The following LSM11 variants were observed in gnomAD, a reference collection of about 807,000 sequenced individuals.
LSM11 encodes the protein U7 snRNA-associated Sm-like protein LSm11.
Under a neutral mutation model 28.1 loss-of-function variants are expected in LSM11, and 14 were observed. The observed-to-expected ratio is 0.50, with a 90% confidence interval of 0.33 to 0.78. The LOEUF (loss-of-function observed/expected upper bound fraction) is 0.78. Ranked by LOEUF, LSM11 falls within the 30% of genes least tolerant of loss-of-function variation. The pLI is 0.02. For missense variants in LSM11, 495 were observed against 510.6 expected, an observed-to-expected ratio of 0.97 and a Z score of 0.30; for synonymous variants, 207 against 214.2, an observed-to-expected ratio of 0.97 and a Z score of 0.30.
intron 3 of LSM11, 50 bp downstream of exon 3, chr5:157,754,137 T>G: frequency 7.7e-7 from 1 of 1,303,104 alleles, no homozygotes. Flanking sequence ...CTTTCCAGCT[T>G]AGGAATTAAG....
intron 1 of LSM11, among the ~76,000 whole-genome samples, chr5:157,744,880 A>C (rs575219556): frequency 6.6e-6 from 1 of 152,218 alleles, no homozygotes; most frequent in Non-Finnish European, 1.5e-5. Flanking sequence ...TTACTAAGTC[A>C]CAAGTGCTGA....
chr5:157,744,063 C>G lies in LSM11; in HGVS notation c.313C>G (p.Pro105Ala). 6.8e-7 allele frequency: 1 copy of G among 1,465,658 alleles called. No homozygotes were observed. 90.8% of individuals were successfully genotyped at this position (1,465,658 alleles called of 1,614,324 possible). The change falls in exon 1 of 4, where the codon CCG becomes GCG. Residue 105 changes from proline (P) to alanine (A), a missense_variant. Pro to Ala is a conservative substitution (Grantham distance 27). Coordinates refer to ENST00000286307, the MANE Select transcript of LSM11 (RefSeq NM_173491.4). ...RTRRRPDAPAPDPERIQRLRR... is the reference protein window; with the variant it reads ...RTRRRPDAPAADPERIQRLRR... Reference sequence around the variant, plus strand: ...TCGTCGCCGCCCGGACGCGCCCGCCCCGGACCCCGAGCGCATCCAGCGCCT... The same window carrying G: ...TCGTCGCCGCCCGGACGCGCCCGCCGCGGACCCCGAGCGCATCCAGCGCCT...
In LSM11 at chr5:157,757,261, A is replaced by G. The variant is rs1761342253; in HGVS notation, c.*1997A>G. The G allele has an allele frequency of 2.0e-5, 3 of 152,128 alleles. No homozygotes were observed. Among genetic ancestry groups the G allele is most frequent in the African/African-American group, 7.2e-5 (3 of 41,424 alleles). 9.4% of individuals were successfully genotyped at this position (152,128 alleles called of 1,614,324 possible). A position where few individuals can be genotyped will look rare whatever the true frequency, so the allele number is the denominator to read the frequency against. On this transcript the variant is annotated 3_prime_UTR_variant, in exon 4 of 4. Coordinates refer to ENST00000286307, the MANE Select transcript of LSM11 (RefSeq NM_173491.4). ...GGCAGCAGTATCTTCTGGAACTTCC[A>G]TATTCCATTCCTTCCTCCTAAGGGA...
intron 1 of LSM11, among the ~76,000 whole-genome samples, chr5:157,749,695 C>T (rs573681626): frequency 1.3e-5 from 2 of 152,274 alleles, no homozygotes; most frequent in African/African-American, 4.8e-5. Context: ...ATGGTCAGAC[C>T]AGAATTCTCA....
intron 1 of LSM11, 27 bp downstream of exon 1, chr5:157,744,225 G>C (rs758569704): frequency 4.0e-6 from 5 of 1,249,928 alleles, no homozygotes; most frequent in South Asian, 3.0e-5. Context: ...GGCGGGAAGC[G>C]GGGCAGCCGC....
intron 2 of LSM11, 50 bp from the exon 3 acceptor site, chr5:157,753,951 AAAT>A (rs34960946): frequency 0.34 from 430,982 of 1,251,148 alleles, 77,557 homozygotes; most frequent in East Asian, 0.54. Context: ...AAAGCTATAC[AAAT>A]AATAATTTTA....
In LSM11 at chr5:157,743,898, G is replaced by T. The variant is rs770922032; in HGVS notation, c.148G>T (p.Ala50Ser). ...PRLPPIPYPN[A>S]PCFNNVAEYE... ...CCTGCCTCCCATTCCCTACCCCAAT[G>T]CCCCCTGCTTCAACAACGTGGCGGA... The change falls in exon 1 of 4, where the codon GCC (alanine) becomes TCC (serine). Residue 50 changes from alanine to serine, a missense_variant. Transcript: ENST00000286307. The T allele has an allele frequency of 1.5e-5, 23 of 1,539,122 alleles. No homozygotes were observed. The highest frequency in any genetic ancestry group is 1.7e-4 in the Middle Eastern group (1 of 5,824).
intron 1 of LSM11, among the ~76,000 whole-genome samples, chr5:157,748,478 C>G (rs1420740565): frequency 1.3e-5 from 2 of 152,148 alleles, no homozygotes; most frequent in Non-Finnish European, 2.9e-5. Context: ...CATGTACTTA[C>G]TGTAATTCCT....
rs558996893 is a variant in LSM11 at position 157,751,336 on chromosome 5, C to G, written c.449-54C>G. 3.7e-5 allele frequency: 56 copies of G among 1,503,090 alleles called. No individual in the cohort carries two copies. The East Asian group carries it at 1.3e-3, about 35-fold the overall frequency. The allele number at this position is 1,503,090 out of a possible 1,614,324, so 93.1% of individuals were successfully genotyped here. ...GAAGTTGGGTGGTCGTGGCTTAATT[C>G]TGGGAATGAGGGCAGATATTAAAAC... On this transcript the variant is annotated intron_variant, in intron 1 of 3. Coordinates refer to ENST00000286307, the MANE Select transcript of LSM11 (RefSeq NM_173491.4).
At chr5:157,747,861 G>A (rs1308108117) in intron 1 of LSM11, among the ~76,000 whole-genome samples, 1 of 152,180 alleles carries the variant, frequency 6.6e-6, no homozygotes, top group South Asian at 2.1e-4. Context: ...GAGAACAGCG[G>A]TACTTAGGCT....
rs1430021860 is a variant in LSM11, at chr5:157,757,332, T to G, written c.*2068T>G. 1 of 151,416 alleles carries G rather than the reference T, an allele frequency of 6.6e-6. No individual in the cohort carries two copies. The highest frequency in any genetic ancestry group is 6.6e-5 in the Admixed American group (1 of 15,196). 9.4% of individuals were successfully genotyped at this position (151,416 alleles called of 1,614,324 possible). A position where few individuals can be genotyped will look rare whatever the true frequency, so the allele number is the denominator to read the frequency against. ...GTATCTTCAGTAAGAGGAGAGTAAC[T>G]TTTTTTTTGCTGCTCCCGCTATATC... is the stretch of plus-strand genomic sequence containing the variant. On this transcript the variant is annotated 3_prime_UTR_variant, in exon 4 of 4. Transcript: ENST00000286307.
intron 1 of LSM11, among the ~76,000 whole-genome samples, chr5:157,746,054 C>T (rs779539813): frequency 6.6e-6 from 1 of 152,062 alleles, no homozygotes; most frequent in Non-Finnish European, 1.5e-5. Flanking sequence ...CTTTCGTGTA[C>T]CTCCTGATCC....
chr5:157,755,610 AAAGTCTC>A lies in LSM11; in HGVS notation c.*349_*355del, dbSNP rs1463883001. ...CATTTTAGATACTATAGGGGAAAGA[AAAGTCTC>A]AAAAAGAAGTATTGCATGTCTAAAA... On this transcript the variant is annotated 3_prime_UTR_variant, in exon 4 of 4. Coordinates refer to ENST00000286307, the MANE Select transcript of LSM11 (RefSeq NM_173491.4). 1 of 432,202 alleles carries A rather than the reference AAAGTCTC, an allele frequency of 2.3e-6. No individual in the cohort carries two copies. Among genetic ancestry groups the A allele is most frequent in the African/African-American group, 2.0e-5 (1 of 49,320 alleles). The allele number at this position is 432,202 out of a possible 1,614,324, so 26.8% of individuals were successfully genotyped here.
chr5:157,749,585 C>T (rs538777359), intron 1 of LSM11, among the ~76,000 whole-genome samples: 31 of 54,158 alleles, frequency 5.7e-4, no homozygotes, highest in African/African-American at 1.6e-3. Context: ...CGCGCGCACG[C>T]GCGCACACAC....
chr5:157,754,093 C>A lies in LSM11; in HGVS notation c.672+6C>A. The stretch of plus-strand genomic sequence containing the variant: ...CTTCACTGACTCTCACTAGGGTAGG[C>A]AGTTTTCCCCTGACCTCCTGAGTAG... On this transcript the variant is annotated splice_donor_region_variant and intron_variant, in intron 3 of 3. Coordinates refer to ENST00000286307, the MANE Select transcript of LSM11 (RefSeq NM_173491.4). 3 of 1,546,808 alleles carry A rather than the reference C, an allele frequency of 1.9e-6. No homozygotes were observed. Among genetic ancestry groups the A allele is most frequent in the Non-Finnish European group, 2.6e-6 (3 of 1,148,336 alleles).
chr5:157,749,758 C>T (rs1761201623), intron 1 of LSM11, among the ~76,000 whole-genome samples: 1 of 152,234 alleles, frequency 6.6e-6, no homozygotes, highest in Non-Finnish European at 1.5e-5. Flanking sequence ...GAGTTATTCT[C>T]ACACCGTTAA....
Position 157,760,494 on chromosome 5 carries a change from A to G in LSM11, c.*5230A>G, listed in dbSNP as rs1248690960. The G allele has an allele frequency of 6.6e-6, 1 of 152,214 alleles. No individual in the cohort carries two copies. The highest frequency in any genetic ancestry group is 6.5e-5 in the Admixed American group (1 of 15,284). 9.4% of individuals were successfully genotyped at this position (152,214 alleles called of 1,614,324 possible). On this transcript the variant is annotated 3_prime_UTR_variant, in exon 4 of 4. Coordinates refer to ENST00000286307, the MANE Select transcript of LSM11 (RefSeq NM_173491.4). ...TTTTTTTAGACAAGGCTAAACCTGA[A>G]TGACTCTACGTATCTATAGTTTCAC... is the stretch of plus-strand genomic sequence containing the variant.
In LSM11 at chr5:157,744,022, G is replaced by A; in HGVS notation, c.272G>A (p.Gly91Glu). The stretch of plus-strand genomic sequence containing the variant: ...GGCTCTGGGGTTCCCGCCGCACCCG[G>A]GCCCTCGGGCAGGACTCGTCGCCGC... ...AAGSGVPAAPGPSGRTRRRPD... is the reference protein window; with the variant it reads ...AAGSGVPAAPEPSGRTRRRPD... The change falls in exon 1 of 4, where the codon GGG becomes GAG. Residue 91 changes from glycine (G) to glutamate (E), a missense_variant. Coordinates refer to ENST00000286307, the MANE Select transcript of LSM11 (RefSeq NM_173491.4). 7.4e-7 allele frequency: 1 copy of A among 1,359,024 alleles called. No individual in the cohort carries two copies. The allele number at this position is 1,359,024 out of a possible 1,614,324, so 84.2% of individuals were successfully genotyped here.
In LSM11 at chr5:157,749,095, CT is replaced by C. The variant is rs1761187500; in HGVS notation, c.449-2293del. Among the ~76,000 whole-genome samples the C allele has an allele frequency of 5.3e-5, 8 of 152,244 alleles. No individual in the cohort carries two copies. The South Asian group carries it at 1.7e-3, about 32-fold the overall frequency. On this transcript the variant is annotated intron_variant, in intron 1 of 3. Transcript: ENST00000286307. ...AGAGCAATGCTTCCTGGAATTACACCTTATTAAATCTTTGGAAGAAAAAAAT... is the reference window on the plus strand; with the variant it reads ...AGAGCAATGCTTCCTGGAATTACACCTATTAAATCTTTGGAAGAAAAAAAT...
Sources: gnomAD v4.1 joint callset for allele counts (sites outside exome capture counted in the v4.1 genomes callset) on GRCh38, gnomAD v4.1.1 for gene constraint, MANE v1.5 for transcripts, NCBI Gene and HGNC (gene_info 2026-07-23, HGNC 2026-07-21) for gene names.